The following EXOC6 variants were observed in gnomAD, a reference collection of about 807,000 sequenced individuals.
The protein encoded by EXOC6 is SEC15-like 1.
In EXOC6, 60 loss-of-function variants were observed where a neutral mutation model predicts 112.5. The ratio of observed to expected loss-of-function variants is 0.53; its 90% CI spans 0.43 to 0.66. EXOC6 has a LOEUF of 0.66. Among genes scored for constraint, EXOC6 ranks in the 30% least tolerant of loss-of-function variants. The pLI is 0.00. For synonymous variants in EXOC6, 295 were observed against 308.0 expected (o/e 0.96, Z 0.44); for missense variants, 855 against 957.1 (o/e 0.89, Z 1.41).
chr10:92,826,991 G>A (rs893046569), intron 1 of EXOC6, among the ~76,000 whole-genome samples: 9 of 152,008 alleles, frequency 5.9e-5, no homozygotes, highest in Non-Finnish European at 1.2e-4. Context: ...CAGAGGGAGA[G>A]GCAGAACATG....
chr10:92,998,990 G>A (rs1843625126), intron 19 of EXOC6, among the ~76,000 whole-genome samples: 1 of 151,982 alleles, frequency 6.6e-6, no homozygotes, highest in Admixed American at 6.6e-5. Context: ...TTGTGCCTCA[G>A]CCTCCCAAGT....
rs188609785 is a variant in EXOC6, at chr10:92,984,155, G to A, written c.1953+9923G>A. Among the ~76,000 whole-genome samples, 474 of 152,016 alleles carry A rather than the reference G, an allele frequency of 3.1e-3. 3 individuals are homozygous for A. Among genetic ancestry groups the A allele is most frequent in the African/African-American group, 0.011 (454 of 41,456 alleles). ...CATTTTTTGTTTTCCTTTCATTTTG[G>A]GGTCCAGTATCCAAGTTCTGGGCAC... is the stretch of plus-strand genomic sequence containing the variant. On this transcript the variant is annotated intron_variant, in intron 18 of 21. Coordinates refer to ENST00000260762, the MANE Select transcript of EXOC6 (RefSeq NM_019053.6).
chr10:93,023,948 A>G (rs1844902853), intron 20 of EXOC6, among the ~76,000 whole-genome samples: 1 of 152,110 alleles, frequency 6.6e-6, no homozygotes, highest in Non-Finnish European at 1.5e-5. Flanking sequence ...GTGACCAAAG[A>G]TTATTTTTTA....
chr10:92,895,348 G>T (rs1849692673), intron 4 of EXOC6, among the ~76,000 whole-genome samples: 2 of 151,878 alleles, frequency 1.3e-5, no homozygotes, highest in Admixed American at 6.6e-5. Flanking sequence ...GAGTCTTTTG[G>T]TTACATTTTC....
exon 1 of EXOC6, chr10:92,834,782 C>G (rs763606863): frequency 6.2e-7 from 1 of 1,610,256 alleles, no homozygotes; most frequent in Non-Finnish European, 8.5e-7. Context: ...AATGTCCTGG[C>G]TGAGATTCAG....
intron 20 of EXOC6, among the ~76,000 whole-genome samples, chr10:93,038,801 C>G (rs901529810): frequency 6.6e-6 from 1 of 152,154 alleles, no homozygotes; most frequent in Non-Finnish European, 1.5e-5. Flanking sequence ...AGAGCTATTA[C>G]CTCTACCCTT....
At chr10:92,909,714 C>T (rs1447456773) in intron 6 of EXOC6, 83 bp downstream of exon 6, 6 of 792,084 alleles carry the variant, frequency 7.6e-6, no homozygotes, top group East Asian at 2.8e-5. Flanking sequence ...CTTTAACTTA[C>T]ATAAAATGCT....
upstream of EXOC6, among the ~76,000 whole-genome samples, chr10:92,847,764 C>T (rs1229734669): frequency 6.6e-6 from 1 of 151,502 alleles, no homozygotes; most frequent in South Asian, 2.1e-4. Flanking sequence ...CACCCCTTCT[C>T]AACCCAGCTA....
intron 20 of EXOC6, among the ~76,000 whole-genome samples, chr10:93,024,193 A>G (rs757691796): frequency 3.3e-5 from 5 of 152,198 alleles, no homozygotes; most frequent in Non-Finnish European, 7.3e-5. Flanking sequence ...TTTAGAAAAT[A>G]TGGAGAAGTT....
chr10:93,028,703 A>G (rs2153346), intron 20 of EXOC6, among the ~76,000 whole-genome samples: 21,604 of 152,040 alleles, frequency 0.14, 1,840 homozygotes, highest in Admixed American at 0.2. Context: ...ACGTGGTGGC[A>G]TATGCCTGTA....
intron 1 of EXOC6, among the ~76,000 whole-genome samples, chr10:92,883,656 A>G (rs1021921189): frequency 6.6e-6 from 1 of 152,218 alleles, no homozygotes; most frequent in Non-Finnish European, 1.5e-5. Flanking sequence ...CTGGTGAAAT[A>G]ATAGTAAAAA....
Position 92,926,407 on chromosome 10 carries a change from A to T in EXOC6, c.889-1932A>T, listed in dbSNP as rs544851332. ...ACTGGAAATAAGAGTTCAAAAGAAA[A>T]ATGTAGACTTTCTAAATGTTAAGGA... is the stretch of plus-strand genomic sequence containing the variant. On this transcript the variant is annotated intron_variant, in intron 8 of 21. Coordinates refer to ENST00000260762, the MANE Select transcript of EXOC6 (RefSeq NM_019053.6). Among the ~76,000 whole-genome samples, 3 of 152,134 alleles carry T rather than the reference A, an allele frequency of 2.0e-5. No individual in the cohort carries two copies. In the South Asian group the frequency reaches 6.2e-4, roughly 32 times the overall value.
intron 7 of EXOC6, 52 bp from the exon 8 acceptor site, chr10:92,919,930 G>A (rs1421065101): frequency 3.7e-6 from 4 of 1,075,550 alleles, no homozygotes; most frequent in South Asian, 1.5e-5. Flanking sequence ...ATTATCTAAT[G>A]GTGGTCTAAT....
intron 5 of EXOC6, among the ~76,000 whole-genome samples, chr10:92,904,036 A>G (rs1850315400): frequency 6.6e-6 from 1 of 151,934 alleles, no homozygotes; most frequent in East Asian, 1.9e-4. Flanking sequence ...AGAATGTCAG[A>G]TAGTTGAAAT....
intron 5 of EXOC6, among the ~76,000 whole-genome samples, chr10:92,906,706 A>G (rs1374750553): frequency 6.6e-6 from 1 of 152,216 alleles, no homozygotes; most frequent in African/African-American, 2.4e-5. Flanking sequence ...AAAATAATTT[A>G]TAAGGTAAAT....
chr10:93,055,639 CT>C lies in EXOC6; in HGVS notation c.2170-1281del, dbSNP rs540098353. Reference sequence around the variant, plus strand: ...TTACACAGAACTTTAAATAAGTTCCCTTTTCTTTTTCAGACAGTATATTCTT... The same window carrying C: ...TTACACAGAACTTTAAATAAGTTCCCTTTCTTTTTCAGACAGTATATTCTT... On this transcript the variant is annotated intron_variant, in intron 20 of 21. Coordinates refer to ENST00000260762, the MANE Select transcript of EXOC6 (RefSeq NM_019053.6). 5.6e-4 allele frequency among the ~76,000 whole-genome samples: 85 copies of C among 152,272 alleles called. No homozygotes were observed. In the South Asian group the frequency reaches 8.7e-3, roughly 16 times the overall value.
intron 20 of EXOC6, among the ~76,000 whole-genome samples, chr10:93,019,267 A>C (rs1349875617): frequency 6.6e-6 from 1 of 152,202 alleles, no homozygotes; most frequent in African/African-American, 2.4e-5. Context: ...GGCGTGAGCC[A>C]CCACACTTGG....
intron 1 of EXOC6, among the ~76,000 whole-genome samples, chr10:92,881,681 A>G (rs921614152): frequency 6.6e-6 from 1 of 152,114 alleles, no homozygotes; most frequent in African/African-American, 2.4e-5. Context: ...TATCAGCGAT[A>G]TGGTTTGGCT....
upstream of EXOC6, among the ~76,000 whole-genome samples, chr10:92,844,622 C>A (rs1374501465): frequency 6.6e-6 from 1 of 152,010 alleles, no homozygotes; most frequent in East Asian, 1.9e-4. Flanking sequence ...ATTTATGTGT[C>A]TGGTTTTTAT....
Sources: allele counts gnomAD v4.1 joint callset (sites outside exome capture counted in the v4.1 genomes callset), GRCh38; gene constraint gnomAD v4.1.1; transcripts MANE v1.5; gene names NCBI Gene and HGNC (gene_info 2026-07-23, HGNC 2026-07-21).